The following TTC22 variants were observed in gnomAD, a reference collection of about 807,000 sequenced individuals.
The protein encoded by TTC22 is tetratricopeptide repeat protein 22.
In TTC22, 42 loss-of-function variants were observed where a neutral mutation model predicts 48.2. The ratio of observed to expected loss-of-function variants is 0.87; its 90% CI spans 0.68 to 1.13. The LOEUF (loss-of-function observed/expected upper bound fraction) is 1.13. Ranked by LOEUF, TTC22 falls within the 50% of genes most tolerant of loss-of-function variation. The pLI, the probability that TTC22 is intolerant of heterozygous loss-of-function variation, is 0.00. For synonymous variants in TTC22, 345 were observed against 365.5 expected, an observed-to-expected ratio of 0.94 and a Z score of 0.64; for missense variants, 784 against 807.0, an observed-to-expected ratio of 0.97 and a Z score of 0.34.
Position 54,800,812 on chromosome 1 carries a change from C to T in TTC22, c.352G>A (p.Glu118Lys), listed in dbSNP as rs1299610786. The change falls in exon 1 of 7, where the codon GAG becomes AAG. Residue 118 changes from glutamate (E) to lysine (K), a missense_variant. Coordinates refer to ENST00000371276, the MANE Select transcript of TTC22 (RefSeq NM_001114108.2). Reference sequence around the variant, plus strand: ...AGCCGTGCGGCGCACGCCTCCTCCTCTTCTTCCTGGCCCAGCCGCCCGTAC... The same window carrying T: ...AGCCGTGCGGCGCACGCCTCCTCCTTTTCTTCCTGGCCCAGCCGCCCGTAC... ...HVYGRLGQEE[E>K]EEACAARLAD... 4 of 1,589,944 alleles carry T rather than the reference C, an allele frequency of 2.5e-6. No homozygotes were observed. In the East Asian group the frequency reaches 9.2e-5, roughly 37 times the overall value.
chr1:54,801,037 CGCGCTGTGGGGCCGGCGA>C lies in TTC22; in HGVS notation c.109_126del (p.Ser37_Arg42del). On this transcript the variant is annotated inframe_deletion, in exon 1 of 7. Transcript: ENST00000371276. ...TCCCGCTGCAGCTTCAGGTCCCGGG[CGCGCTGTGGGGCCGGCGA>C]GCGCGGCTCGAAGTTCAACTGCATC... 6.2e-7 allele frequency: 1 copy of C among 1,611,992 alleles called. No homozygotes were observed. Among genetic ancestry groups the C allele is most frequent in the Non-Finnish European group, 8.5e-7 (1 of 1,179,642 alleles).
Position 54,782,586 on chromosome 1 carries a change from T to A in TTC22, c.1021-109A>T, listed in dbSNP as rs1003092843. On this transcript the variant is annotated intron_variant, in intron 5 of 6. Transcript: ENST00000371276. ...TTTTCAACAGCAACCAGGGAGGTTA[T>A]GTGTTGCAGTAGAAAGACCCTGAGG... The A allele has an allele frequency of 7.3e-5, 89 of 1,215,272 alleles. No individual in the cohort carries two copies. The African/African-American group carries it at 1.2e-3, about 16-fold the overall frequency. 75.3% of individuals were successfully genotyped at this position (1,215,272 alleles called of 1,614,324 possible). A position where few individuals can be genotyped will look rare whatever the true frequency, so the allele number is the denominator to read the frequency against.
rs1023719614 is a variant in TTC22 at position 54,798,651 on chromosome 1, G to C, written c.567+1946C>G. On this transcript the variant is annotated intron_variant, in intron 1 of 6. Transcript: ENST00000371276. Reference sequence around the variant, plus strand: ...AAGCATAGTTAATGAAGAAGCAAATGTTTGCTTCTCCTTTTGTTCAAGGGC... The same window carrying C: ...AAGCATAGTTAATGAAGAAGCAAATCTTTGCTTCTCCTTTTGTTCAAGGGC... 1.3e-4 allele frequency among the ~76,000 whole-genome samples: 20 copies of C among 152,184 alleles called. 1 individual carries two copies. Among genetic ancestry groups the C allele is most frequent in the African/African-American group, 4.6e-4 (19 of 41,436 alleles).
rs1178209251 is a variant in TTC22, at chr1:54,781,078, A to C, written c.*165T>G. 2 of 472,182 alleles carry C rather than the reference A, an allele frequency of 4.2e-6. No individual in the cohort carries two copies. The highest frequency in any genetic ancestry group is 7.0e-6 in the Non-Finnish European group (2 of 284,382). 29.2% of individuals were successfully genotyped at this position (472,182 alleles called of 1,614,324 possible). On this transcript the variant is annotated 3_prime_UTR_variant, in exon 7 of 7. Coordinates refer to ENST00000371276, the MANE Select transcript of TTC22 (RefSeq NM_001114108.2). ...CTTCCAGTCTGGGTGGGCGTTTCAA[A>C]CCGCGCGGGTGTCGCAACATCCCCA...
At chr1:54,785,073 C>G (rs1034082689) in intron 5 of TTC22, 1 of 188,404 alleles carries the variant, frequency 5.3e-6, no homozygotes, top group African/African-American at 2.4e-5. Flanking sequence ...CTCATAACAA[C>G]TCCAGTCTAC....
chr1:54,798,210 TC>T (rs1196802588), intron 1 of TTC22, among the ~76,000 whole-genome samples: 2 of 152,230 alleles, frequency 1.3e-5, no homozygotes, highest in African/African-American at 4.8e-5. Flanking sequence ...TGGGCAAGCC[TC>T]ATTCCTTGCC....
At chr1:54,784,237 C>T (rs932178406) in intron 5 of TTC22, among the ~76,000 whole-genome samples, 1 of 152,094 alleles carries the variant, frequency 6.6e-6, no homozygotes, top group Non-Finnish European at 1.5e-5. Context: ...GCTTATGGGC[C>T]GCAGCATGGA....
rs1049614802 is a variant in TTC22, at chr1:54,780,247, G to A, written c.*996C>T. The A allele has an allele frequency of 1.3e-5, 2 of 152,274 alleles. No homozygotes were observed. Among genetic ancestry groups the A allele is most frequent in the African/African-American group, 4.8e-5 (2 of 41,446 alleles). 9.4% of individuals were successfully genotyped at this position (152,274 alleles called of 1,614,324 possible). On this transcript the variant is annotated 3_prime_UTR_variant, in exon 7 of 7. Transcript: ENST00000371276. The stretch of plus-strand genomic sequence containing the variant: ...CTCACACCTGTAATCCTAGCACTTT[G>A]GGAGGCTGAGGCGGGTGGATCAGTT...
intron 1 of TTC22, among the ~76,000 whole-genome samples, chr1:54,789,945 T>A (rs1646337581): frequency 6.6e-6 from 1 of 152,152 alleles, no homozygotes; most frequent in Admixed American, 6.5e-5. Context: ...GGGGTCTGCA[T>A]GCAGCCAGAG....
chr1:54,780,957 T>G lies in TTC22; in HGVS notation c.*286A>C, dbSNP rs1184008232. 6.4e-6 allele frequency: 2 copies of G among 312,998 alleles called. No individual in the cohort carries two copies. Among genetic ancestry groups the G allele is most frequent in the Non-Finnish European group, 1.2e-5 (2 of 171,390 alleles). The allele number at this position is 312,998 out of a possible 1,614,324, so 19.4% of individuals were successfully genotyped here. A position where few individuals can be genotyped will look rare whatever the true frequency, so the allele number is the denominator to read the frequency against. ...TCAGAAGCCTCACAACCATCTTATT[T>G]TACCTGTATGTCTAGAAAATTCTGT... On this transcript the variant is annotated 3_prime_UTR_variant, in exon 7 of 7. Transcript: ENST00000371276.
chr1:54,798,171 T>C (rs1570121584), intron 1 of TTC22, among the ~76,000 whole-genome samples: 1 of 152,360 alleles, frequency 6.6e-6, no homozygotes, highest in African/African-American at 2.4e-5. Context: ...TGGCATGGAT[T>C]TAGCTGCCAT....
At chr1:54,784,131 G>A (rs755814564) in intron 5 of TTC22, among the ~76,000 whole-genome samples, 1 of 152,262 alleles carries the variant, frequency 6.6e-6, no homozygotes, top group Non-Finnish European at 1.5e-5. Context: ...TGGGAGAAGA[G>A]CATTCCAGGC....
chr1:54,784,574 A>G, intron 5 of TTC22: 14 of 1,027,662 alleles, frequency 1.4e-5, no homozygotes, highest in Non-Finnish European at 1.7e-5. Context: ...GCAGAATTTT[A>G]TAGAGATATT....
At position 54,787,090 on chromosome 1, in the gene TTC22, T is replaced by C; in HGVS notation, c.740-15A>G. ...CCAGGCCAGGGCTGGGGGTGAAGGG[T>C]GGGAGAGGGTCTCTAGGAAGCAGCA... On this transcript the variant is annotated splice_polypyrimidine_tract_variant and intron_variant, in intron 3 of 6. Transcript: ENST00000371276. The C allele has an allele frequency of 7.2e-7, 1 of 1,392,642 alleles. No individual in the cohort carries two copies. The highest frequency in any genetic ancestry group is 9.7e-7 in the Non-Finnish European group (1 of 1,033,742). The allele number at this position is 1,392,642 out of a possible 1,614,324, so 86.3% of individuals were successfully genotyped here.
intron 1 of TTC22, chr1:54,794,882 T>A (rs917705907): frequency 6.6e-6 from 1 of 152,432 alleles, no homozygotes; most frequent in African/African-American, 2.4e-5. Context: ...AGGCTGACAC[T>A]GCAGAAATAA....
At chr1:54,786,869 A>ACCCAGAGAAG in intron 4 of TTC22, 88 bp downstream of exon 4, 1 of 594,134 alleles carries the variant, frequency 1.7e-6, no homozygotes, top group Non-Finnish European at 2.8e-6. Flanking sequence ...GGGGGTTGAT[A>ACCCAGAGAAG]CCCAGAGAAG....
intron 5 of TTC22, chr1:54,785,571 G>T: frequency 2.2e-6 from 1 of 452,088 alleles, no homozygotes; most frequent in Non-Finnish European, 4.4e-6. Flanking sequence ...CAGCACTTTG[G>T]GAGGTCGAGG....
intron 1 of TTC22, chr1:54,795,039 A>C (rs1345655824): frequency 6.6e-6 from 1 of 152,160 alleles, no homozygotes; most frequent in African/African-American, 2.4e-5. Context: ...ATAGTACAAG[A>C]CAGGCAGGGA....
intron 5 of TTC22, chr1:54,784,433 G>C: frequency 2.0e-6 from 1 of 501,394 alleles, no homozygotes; most frequent in Non-Finnish European, 2.6e-6. Flanking sequence ...ATTGAATGCA[G>C]TTCCTTGGGG....
Sources: gnomAD v4.1 joint callset for allele counts (sites outside exome capture counted in the v4.1 genomes callset) on GRCh38, gnomAD v4.1.1 for gene constraint, MANE v1.5 for transcripts, NCBI Gene and HGNC (gene_info 2026-07-23, HGNC 2026-07-21) for gene names.